Variants in RAPGEF6 observed in about 807,000 individuals in gnomAD.
RAPGEF6 encodes the protein Rap guanine nucleotide exchange factor 6, also known as PDZ domain containing guanine nucleotide exchange factor (GEF) 2.
A neutral mutation model predicts 171.4 loss-of-function variants in RAPGEF6; 56 were observed. The ratio of observed to expected loss-of-function variants is 0.33; its 90% confidence interval spans 0.26 to 0.41. The LOEUF (loss-of-function observed/expected upper bound fraction) is 0.41, where lower values mean the gene tolerates loss of function less well. Ranked by LOEUF, RAPGEF6 falls within the 10% of genes least tolerant of loss-of-function variation. The pLI, the probability that RAPGEF6 is intolerant of heterozygous loss-of-function variation, is 1.00. For synonymous variants in RAPGEF6, 692 were observed against 650.1 expected (o/e 1.06, Z -0.98); for missense variants, 1,674 against 1,921.4 (o/e 0.87, Z 2.41).
At chr5:131,489,772 A>G in intron 14 of RAPGEF6, 118 bp from the exon 15 acceptor site, 1 of 523,220 alleles carries the variant, frequency 1.9e-6, no homozygotes. Context: ...CTCCTATGTG[A>G]ACAACAGTTA....
At chr5:131,587,007 C>T (rs1429926148) in intron 4 of RAPGEF6, among the ~76,000 whole-genome samples, 1 of 152,206 alleles carries the variant, frequency 6.6e-6, no homozygotes, top group Non-Finnish European at 1.5e-5. Flanking sequence ...AGCCTGGCCC[C>T]TCCTCTTCCT....
chr5:131,631,490 T>C (rs1426822122), intron 1 of RAPGEF6, among the ~76,000 whole-genome samples: 4 of 152,200 alleles, frequency 2.6e-5, no homozygotes, highest in African/African-American at 9.7e-5. Flanking sequence ...CTACAAAATA[T>C]TTCTAAAACT....
Position 131,603,389 on chromosome 5 carries a change from G to T in RAPGEF6, c.141-62C>A. 3 of 1,079,246 alleles carry T rather than the reference G, an allele frequency of 2.8e-6. No homozygotes were observed. In the South Asian group the frequency reaches 4.6e-5, roughly 17 times the overall value. 66.9% of individuals were successfully genotyped at this position (1,079,246 alleles called of 1,614,324 possible). A position where few individuals can be genotyped will look rare whatever the true frequency, so the allele number is the denominator to read the frequency against. ...TTTGTTTTTAAAATTGTTATAATTT[G>T]ACCTCAACTAATTATTATAATCTAA... On this transcript the variant is annotated intron_variant, in intron 2 of 27. Transcript: ENST00000509018.
intron 1 of RAPGEF6, among the ~76,000 whole-genome samples, chr5:131,626,683 T>C (rs1765950596): frequency 6.6e-6 from 1 of 152,128 alleles, no homozygotes; most frequent in South Asian, 2.1e-4. Context: ...AAGTCATTGA[T>C]GAATAGGGAC....
At chr5:131,466,094 C>CAAA (rs1754319871) in intron 17 of RAPGEF6, among the ~76,000 whole-genome samples, 1 of 113,478 alleles carries the variant, frequency 8.8e-6, no homozygotes, top group African/African-American at 3.8e-5. Context: ...AGACTGAGGA[C>CAAA]CAAAAAAAAA....
intron 1 of RAPGEF6, among the ~76,000 whole-genome samples, chr5:131,625,258 G>A (rs147381746): frequency 0.019 from 2,931 of 152,106 alleles, 45 homozygotes; most frequent in Middle Eastern, 0.034. Context: ...GAGAAACTCC[G>A]TCTCAAAAAA....
At chr5:131,499,463 C>T (rs1756866025) in intron 11 of RAPGEF6, among the ~76,000 whole-genome samples, 2 of 151,692 alleles carry the variant, frequency 1.3e-5, no homozygotes, top group South Asian at 2.1e-4. Context: ...CGCCTATAAT[C>T]CCAGCTACTC....
intron 11 of RAPGEF6, among the ~76,000 whole-genome samples, chr5:131,501,904 A>G (rs1223059354): frequency 1.3e-5 from 2 of 152,214 alleles, no homozygotes; most frequent in African/African-American, 2.4e-5. Context: ...ATACATACAT[A>G]TATTTCCTAG....
At chr5:131,580,901 G>A (rs1762922130) in intron 4 of RAPGEF6, among the ~76,000 whole-genome samples, 1 of 152,148 alleles carries the variant, frequency 6.6e-6, no homozygotes, top group Non-Finnish European at 1.5e-5. Flanking sequence ...AATCCAGCTT[G>A]CAGATGGGAA....
intron 15 of RAPGEF6, among the ~76,000 whole-genome samples, chr5:131,487,845 G>C (rs1756024226): frequency 6.6e-6 from 1 of 152,176 alleles, no homozygotes; most frequent in Admixed American, 6.5e-5. Context: ...GGTAATGCCA[G>C]AGTTATTAGG....
At chr5:131,445,646 G>A (rs7711311) in intron 22 of RAPGEF6, among the ~76,000 whole-genome samples, 53,995 of 151,390 alleles carry the variant, frequency 0.36, 11,178 homozygotes, top group African/African-American at 0.58. Context: ...GCACTGGCAT[G>A]GTCCTAGCTC....
intron 3 of RAPGEF6, 129 bp downstream of exon 3, chr5:131,603,142 C>A: frequency 1.4e-6 from 1 of 713,590 alleles, no homozygotes; most frequent in Non-Finnish European, 2.4e-6. Context: ...ATGTTATATA[C>A]TTCATGGTCT....
chr5:131,572,718 A>G (rs922897321), intron 4 of RAPGEF6, among the ~76,000 whole-genome samples: 2 of 151,848 alleles, frequency 1.3e-5, no homozygotes, highest in African/African-American at 2.4e-5. Context: ...TACCTTCTCC[A>G]CTATGGGCAA....
At chr5:131,521,583 G>C (rs1758483473) in intron 6 of RAPGEF6, 62 bp from the exon 7 acceptor site, 2 of 1,490,120 alleles carry the variant, frequency 1.3e-6, no homozygotes, top group Admixed American at 2.2e-5. Flanking sequence ...AAGCGGTTTC[G>C]ACATGTTCAA....
intron 4 of RAPGEF6, among the ~76,000 whole-genome samples, chr5:131,572,232 C>T (rs974124340): frequency 6.6e-6 from 1 of 152,078 alleles, no homozygotes; most frequent in Admixed American, 6.6e-5. Context: ...ACGCTCCCTC[C>T]GTGAGGAGAT....
chr5:131,615,754 T>C (rs1378013741), intron 1 of RAPGEF6, among the ~76,000 whole-genome samples: 8 of 151,948 alleles, frequency 5.3e-5, no homozygotes, highest in African/African-American at 1.9e-4. Context: ...ACAAAAAAAT[T>C]AGCTGGGCAT....
At chr5:131,472,475 A>G (rs963750810) in intron 17 of RAPGEF6, 112 bp downstream of exon 17, 1 of 1,236,526 alleles carries the variant, frequency 8.1e-7, no homozygotes, top group Non-Finnish European at 1.2e-6. Context: ...TCAAGTCATA[A>G]TCTAGAGTTA....
At chr5:131,508,599 C>A (rs983598506) in intron 8 of RAPGEF6, among the ~76,000 whole-genome samples, 2 of 152,020 alleles carry the variant, frequency 1.3e-5, no homozygotes, top group African/African-American at 2.4e-5. Flanking sequence ...TTTAAAAATG[C>A]CATTAATAAA....
At chr5:131,512,029 CAGA>C (rs1255561157) in intron 7 of RAPGEF6, among the ~76,000 whole-genome samples, 2 of 152,016 alleles carry the variant, frequency 1.3e-5, no homozygotes, top group Non-Finnish European at 2.9e-5. Context: ...CTTCCTGTGG[CAGA>C]AGAAAATGAA....
Sources: gnomAD v4.1 joint callset for allele counts (sites outside exome capture counted in the v4.1 genomes callset) on GRCh38, gnomAD v4.1.1 for gene constraint, MANE v1.5 for transcripts, NCBI Gene and HGNC (gene_info 2026-07-23, HGNC 2026-07-21) for gene names.